Variants in ARFGEF2 observed in about 807,000 individuals in gnomAD.
The protein encoded by ARFGEF2 is ARF guanine nucleotide exchange factor 2.
Under a neutral mutation model 219.9 loss-of-function variants are expected in ARFGEF2, and 74 were observed. The ratio of observed to expected loss-of-function variants is 0.34; its 90% CI spans 0.28 to 0.41. The LOEUF (loss-of-function observed/expected upper bound fraction) is 0.41, where lower values mean the gene tolerates loss of function less well. Ranked by LOEUF, ARFGEF2 falls within the 10% of genes least tolerant of loss-of-function variation. The probability of loss-of-function intolerance (pLI) is 1.00; values close to 1 mark genes in which losing one functional copy is unlikely to be tolerated. For synonymous variants in ARFGEF2, 733 were observed against 799.2 expected (o/e 0.92, Z 1.40); for missense variants, 1,743 against 2,218.3 (o/e 0.79, Z 4.30).
chr20:48,952,641 G>T, intron 4 of ARFGEF2, 64 bp from the exon 5 acceptor site: 7 of 1,514,860 alleles, frequency 4.6e-6, no homozygotes, highest in Non-Finnish European at 6.4e-6. Context: ...GAAAAGTGTG[G>T]CCATAGGAGG....
intron 33 of ARFGEF2, 75 bp downstream of exon 33, chr20:49,017,625 T>TTGTACTTTTTTTAATGGGAAGTGAGTAAA (rs2091539217): frequency 6.6e-7 from 1 of 1,504,206 alleles, no homozygotes; most frequent in Non-Finnish European, 9.1e-7. Context: ...CCTGTATAGT[T>TTGTACTTTTTTTAATGGGAAGTGAGTAAA]TGTACTTTTT....
intron 6 of ARFGEF2, among the ~76,000 whole-genome samples, chr20:48,962,991 T>C (rs1341183039): frequency 6.6e-6 from 1 of 152,040 alleles, no homozygotes; most frequent in Non-Finnish European, 1.5e-5. Flanking sequence ...GTAGATCACT[T>C]GAACTCAGGA....
Position 49,034,966 on chromosome 20 carries a change from A to G in ARFGEF2, c.*1767A>G, listed in dbSNP as rs1334745971. 5 of 152,196 alleles carry G rather than the reference A, an allele frequency of 3.3e-5. No individual in the cohort carries two copies. 9.4% of individuals were successfully genotyped at this position (152,196 alleles called of 1,614,324 possible). On this transcript the variant is annotated 3_prime_UTR_variant, in exon 39 of 39. Transcript: ENST00000371917. ...TAATTTAGCAGGAAGGGACTATGGG[A>G]GAATACTTTACTGTGAGTGGAAAAT...
chr20:48,991,344 T>TTTTTTA, intron 21 of ARFGEF2, 146 bp downstream of exon 21: 3 of 1,217,836 alleles, frequency 2.5e-6, no homozygotes, highest in South Asian at 2.5e-5. Flanking sequence ...TCTCTGGGGC[T>TTTTTTA]GTGAAAGGCG....
At chr20:48,932,567 C>A (rs960647232) in intron 1 of ARFGEF2, among the ~76,000 whole-genome samples, 5 of 152,120 alleles carry the variant, frequency 3.3e-5, no homozygotes, top group Non-Finnish European at 5.9e-5. Flanking sequence ...GAAGTTAAGA[C>A]TAAAGGTCAG....
intron 6 of ARFGEF2, among the ~76,000 whole-genome samples, chr20:48,958,405 T>A (rs1195351742): frequency 2.0e-5 from 3 of 151,820 alleles, no homozygotes; most frequent in Non-Finnish European, 2.9e-5. Context: ...CATGCTGAAT[T>A]CACTTCTACA....
intron 38 of ARFGEF2, 54 bp downstream of exon 38, chr20:49,032,220 G>A: frequency 1.5e-6 from 2 of 1,319,252 alleles, no homozygotes; most frequent in Admixed American, 1.7e-5. Context: ...GTTTGGGTTG[G>A]CTTTTTACTC....
At chr20:48,936,498 C>T (rs1307158292) in intron 1 of ARFGEF2, among the ~76,000 whole-genome samples, 2 of 149,708 alleles carry the variant, frequency 1.3e-5, no homozygotes, top group East Asian at 4.0e-4. Flanking sequence ...TCGGACGGGG[C>T]GGTTGCCGGG....
At chr20:48,976,348 T>G (rs2091261364) in intron 14 of ARFGEF2, 149 bp downstream of exon 14, 3 of 923,122 alleles carry the variant, frequency 3.2e-6, no homozygotes, top group Non-Finnish European at 5.1e-6. Context: ...AGGCAATCAG[T>G]AAATGAGCGT....
At chr20:48,971,464 T>C in intron 10 of ARFGEF2, 110 bp downstream of exon 10, 1 of 989,220 alleles carries the variant, frequency 1.0e-6, no homozygotes, top group Non-Finnish European at 1.5e-6. Flanking sequence ...ATTAGGAAAA[T>C]GGTTCATGAA....
chr20:48,933,118 A>G (rs2090923290), intron 1 of ARFGEF2, among the ~76,000 whole-genome samples: 1 of 152,144 alleles, frequency 6.6e-6, no homozygotes, highest in African/African-American at 2.4e-5. Flanking sequence ...TCCCGCAAAG[A>G]CAGCGCGGCT....
intron 1 of ARFGEF2, among the ~76,000 whole-genome samples, chr20:48,938,064 C>T (rs1026235869): frequency 2.6e-5 from 4 of 152,204 alleles, no homozygotes; most frequent in African/African-American, 7.2e-5. Flanking sequence ...CAGGAGAACA[C>T]AGACTCTGGA....
intron 38 of ARFGEF2, among the ~76,000 whole-genome samples, chr20:49,032,680 C>T (rs1301927943): frequency 2.0e-5 from 3 of 151,826 alleles, no homozygotes; most frequent in African/African-American, 7.3e-5. Context: ...CAATTTCTGC[C>T]TCCCAGGCTC....
At position 48,989,668 on chromosome 20, in the gene ARFGEF2, G is replaced by C. The variant is rs750753933; in HGVS notation, c.2798G>C (p.Cys933Ser). Residue 933 changes from cysteine (C) to serine (S), a missense_variant, in exon 20 of 39, where the codon TGC becomes TCC. Around this residue, in one of 5 missense-constraint regions of ARFGEF2, gnomAD observed 666 missense variants for 955.4 expected, o/e 0.70. Transcript: ENST00000371917. ...ATCCGATGTGCAATCCGAATCGCCT[G>C]CATCTTTGGAATGCAGGTAGGTGTA... The part of the protein sequence containing the change: ...EGIRCAIRIA[C>S]IFGMQLERDA... 10 of 1,614,202 alleles carry C rather than the reference G, an allele frequency of 6.2e-6. No individual in the cohort carries two copies. The Admixed American group carries it at 1.0e-4, about 16-fold the overall frequency.
At chr20:48,932,779 T>C (rs867002640) in intron 1 of ARFGEF2, among the ~76,000 whole-genome samples, 1 of 152,066 alleles carries the variant, frequency 6.6e-6, no homozygotes, top group African/African-American at 2.4e-5. Flanking sequence ...CAGTTCCATA[T>C]AGGGACAAGA....
In ARFGEF2 at chr20:48,989,659, G is replaced by A. The variant is rs200505747; in HGVS notation, c.2789G>A (p.Arg930Gln). The A allele has an allele frequency of 5.0e-6, 8 of 1,614,170 alleles. No homozygotes were observed. Among genetic ancestry groups the A allele is most frequent in the Non-Finnish European group, 6.8e-6 (8 of 1,180,038 alleles). ...TTGGAAGGCATCCGATGTGCAATCCGAATCGCCTGCATCTTTGGAATGCAG... is the reference window on the plus strand; with the variant it reads ...TTGGAAGGCATCCGATGTGCAATCCAAATCGCCTGCATCTTTGGAATGCAG... Reference protein sequence around the residue: ...LCLEGIRCAIRIACIFGMQLE... With the variant: ...LCLEGIRCAIQIACIFGMQLE... Residue 930 changes from arginine (R) to glutamine (Q), a missense_variant, in exon 20 of 39, where the codon CGA (arginine) becomes CAA (glutamine). Around this residue, in one of 5 missense-constraint regions of ARFGEF2, gnomAD observed 666 missense variants for 955.4 expected, o/e 0.70. Transcript: ENST00000371917.
rs1308938052 is a variant in ARFGEF2 at position 48,950,794 on chromosome 20, TA to T, written c.277-511del. ...CTAGGTAACAGAATAAGACCCTGTC[TA>T]AAAAAAAAAAAAAAAAATATATATA... is the stretch of plus-strand genomic sequence containing the variant. On this transcript the variant is annotated intron_variant, in intron 3 of 38. Transcript: ENST00000371917. Among the ~76,000 whole-genome samples, 286 of 35,928 alleles carry T rather than the reference TA, an allele frequency of 8.0e-3. 6 individuals are homozygous for T. The highest frequency in any genetic ancestry group is 0.02 in the African/African-American group (258 of 12,804). 23.6% of individuals were successfully genotyped at this position (35,928 alleles called of 152,430 possible). A position where few individuals can be genotyped will look rare whatever the true frequency, so the allele number is the denominator to read the frequency against.
In ARFGEF2 at chr20:49,036,445, T is replaced by TA. The variant is rs1464150882; in HGVS notation, c.*3250dup. ...GTGTAAAATGTATGTTTTACCTCCTTAAAATGCCTAAAAGTTAGTTAATAG... is the reference window on the plus strand; with the variant it reads ...GTGTAAAATGTATGTTTTACCTCCTTAAAAATGCCTAAAAGTTAGTTAATAG... On this transcript the variant is annotated 3_prime_UTR_variant, in exon 39 of 39. Transcript: ENST00000371917. 1.5e-5 allele frequency: 6 copies of TA among 388,480 alleles called. No individual in the cohort carries two copies. Among genetic ancestry groups the TA allele is most frequent in the Admixed American group, 8.9e-5 (2 of 22,490 alleles). 24.1% of individuals were successfully genotyped at this position (388,480 alleles called of 1,614,324 possible).
At chr20:48,977,571 G>A (rs568997114) in intron 14 of ARFGEF2, among the ~76,000 whole-genome samples, 5 of 152,326 alleles carry the variant, frequency 3.3e-5, no homozygotes, top group Admixed American at 2.0e-4. Context: ...CACAATGGTT[G>A]GACTAGTTTA....
Sources: allele counts gnomAD v4.1 joint callset (sites outside exome capture counted in the v4.1 genomes callset), GRCh38; gene constraint gnomAD v4.1.1; regional missense constraint gnomAD v4.1.1; transcripts MANE v1.5; gene names NCBI Gene and HGNC (gene_info 2026-07-23, HGNC 2026-07-21).